The following RECQL variants were observed in gnomAD, a reference collection of about 807,000 sequenced individuals.
The protein encoded by RECQL is ATP-dependent DNA helicase Q1.
In RECQL, 73 loss-of-function variants were observed where a neutral mutation model predicts 75.8. The ratio of observed to expected loss-of-function variants is 0.96; its 90% CI spans 0.80 to 1.17. RECQL has a LOEUF of 1.17. Ranked by LOEUF, RECQL falls within the 50% of genes most tolerant of loss-of-function variation. The pLI is 0.00. For synonymous variants in RECQL, 248 were observed against 254.4 expected, an observed-to-expected ratio of 0.97 and a Z score of 0.24; for missense variants, 699 against 772.1, an observed-to-expected ratio of 0.91 and a Z score of 1.12.
intron 14 of RECQL, chr12:21,470,665 T>C (rs1942926836): frequency 3.2e-6 from 1 of 307,876 alleles, no homozygotes; most frequent in African/African-American, 2.2e-5. Context: ...AGAAACAGAC[T>C]TCTCAACTAT....
Position 21,486,762 on chromosome 12 carries a change from C to T in RECQL, c.395-177G>A, listed in dbSNP as rs531661159. The stretch of plus-strand genomic sequence containing the variant: ...GTTGGCTCATTGCAACCTCTGCCTC[C>T]CGGGTTCAAGCAATTCTCCTGCCTC... On this transcript the variant is annotated intron_variant, in intron 4 of 14. Coordinates refer to ENST00000444129, the MANE Select transcript of RECQL (RefSeq NM_002907.4). 2.1e-3 allele frequency among the ~76,000 whole-genome samples: 320 copies of T among 148,962 alleles called. 2 individuals carry two copies. Among genetic ancestry groups the T allele is most frequent in the African/African-American group, 7.6e-3 (307 of 40,404 alleles).
At chr12:21,500,259 G>C (rs1200256629) in intron 1 of RECQL, among the ~76,000 whole-genome samples, 1 of 152,162 alleles carries the variant, frequency 6.6e-6, no homozygotes, top group Non-Finnish European at 1.5e-5. Context: ...GGTGGGGGGA[G>C]GGGAAAATGG....
rs1943067051 is a variant in RECQL at position 21,475,495 on chromosome 12, T to C, written c.1189A>G (p.Asn397Asp). Reference sequence around the variant, plus strand: ...GCACGTCCACTCTCTTGGTAATAATTTTCCATGGATTTACTCATTGAATGA... The same window carrying C: ...GCACGTCCACTCTCTTGGTAATAATCTTCCATGGATTTACTCATTGAATGA... ...IHHSMSKSME[N>D]YYQESGRAGR... The change falls in exon 10 of 15, where the codon AAT becomes GAT. Residue 397 changes from asparagine to aspartate, a missense_variant. Around this residue, in one of 2 missense-constraint regions of RECQL, gnomAD observed 669 missense variants for 713.5 expected, o/e 0.94. Coordinates refer to ENST00000444129, the MANE Select transcript of RECQL (RefSeq NM_002907.4). 1 of 1,611,782 alleles carries C rather than the reference T, an allele frequency of 6.2e-7. No individual in the cohort carries two copies. Among genetic ancestry groups the C allele is most frequent in the Non-Finnish European group, 8.5e-7 (1 of 1,178,586 alleles).
In RECQL at chr12:21,483,461, C is replaced by A. The variant is rs1943230678; in HGVS notation, c.615G>T (p.Glu205Asp). ...TAAATCTCCTTGCTTCATAGGCTTT[C>A]TCTAGTCTTGACATAAACATTTTGC... Reference protein sequence around the residue: ...AKSKMFMSRLEKAYEARRFTR... With the variant: ...AKSKMFMSRLDKAYEARRFTR... Residue 205 changes from glutamate (E) to aspartate (D), a missense_variant, in exon 6 of 15, where the codon GAG becomes GAT. By Grantham distance (45) the Glu-to-Asp change is conservative. Coordinates refer to ENST00000444129, the MANE Select transcript of RECQL (RefSeq NM_002907.4). The A allele has an allele frequency of 6.2e-7, 1 of 1,604,732 alleles. No individual in the cohort carries two copies.
At chr12:21,493,564 C>T (rs762368529) in intron 2 of RECQL, among the ~76,000 whole-genome samples, 10 of 152,206 alleles carry the variant, frequency 6.6e-5, no homozygotes, top group African/African-American at 9.7e-5. Context: ...TCAATACAAA[C>T]TGAATTCCCA....
At chr12:21,485,270 T>A (rs1591983149) in intron 5 of RECQL, among the ~76,000 whole-genome samples, 2 of 118,356 alleles carry the variant, frequency 1.7e-5, no homozygotes, top group East Asian at 2.3e-4. Flanking sequence ...TAGATCTAAC[T>A]AAAAGGATCC....
intron 2 of RECQL, among the ~76,000 whole-genome samples, chr12:21,495,012 T>G (rs7970380): frequency 0.029 from 4,462 of 152,328 alleles, 207 homozygotes; most frequent in African/African-American, 0.099. Flanking sequence ...CGACAAGATC[T>G]TGGATTGACT....
intron 8 of RECQL, among the ~76,000 whole-genome samples, chr12:21,476,267 T>C (rs1254996003): frequency 1.3e-5 from 2 of 152,068 alleles, no homozygotes; most frequent in African/African-American, 4.8e-5. Context: ...TCAGAGCTTC[T>C]AGTTTGCTGA....
chr12:21,499,659 G>C (rs1943569689), intron 1 of RECQL, 44 bp from the exon 2 acceptor site: 5 of 1,032,184 alleles, frequency 4.8e-6, no homozygotes, highest in Non-Finnish European at 7.4e-6. Flanking sequence ...TTTAAAAATA[G>C]TACTATTAAT....
intron 1 of RECQL, 23 bp from the exon 2 acceptor site, chr12:21,499,638 G>T: frequency 1.5e-6 from 2 of 1,307,438 alleles, no homozygotes; most frequent in South Asian, 1.3e-5. Context: ...GCACAACAGT[G>T]ACAACAAGTT....
intron 12 of RECQL, 145 bp from the exon 13 acceptor site, chr12:21,471,792 A>C: frequency 1.5e-6 from 1 of 653,070 alleles, no homozygotes; most frequent in South Asian, 1.9e-5. Context: ...TTCTGAATTA[A>C]GACTAGGCTA....
chr12:21,475,340 T>C, intron 10 of RECQL, 128 bp downstream of exon 10: 1 of 633,124 alleles, frequency 1.6e-6, no homozygotes, highest in Non-Finnish European at 2.7e-6. Flanking sequence ...AGTGTCAAAC[T>C]GCTAAAAATA....
At chr12:21,492,165 C>T (rs1326786671) in intron 2 of RECQL, among the ~76,000 whole-genome samples, 1 of 152,142 alleles carries the variant, frequency 6.6e-6, no homozygotes. Context: ...TCCCTAATTA[C>T]TTTGCTATTA....
chr12:21,499,422 G>C, intron 2 of RECQL, 133 bp downstream of exon 2: 1 of 766,828 alleles, frequency 1.3e-6, no homozygotes. Flanking sequence ...AGTTTGTAAT[G>C]TGTATTTTAC....
intron 5 of RECQL, among the ~76,000 whole-genome samples, chr12:21,485,912 TA>T (rs147492599): frequency 0.019 from 2,824 of 152,282 alleles, 103 homozygotes; most frequent in African/African-American, 0.065. Context: ...CAGATGAGGG[TA>T]AGACAGTCCA....
chr12:21,478,652 C>A (rs1308816275), intron 6 of RECQL, among the ~76,000 whole-genome samples: 2 of 152,168 alleles, frequency 1.3e-5, no homozygotes, highest in Admixed American at 6.5e-5. Flanking sequence ...TTCACTGGGG[C>A]TAAGTCACAG....
Position 21,474,839 on chromosome 12 carries a change from A to C in RECQL, c.1355+2T>G. The C allele has an allele frequency of 6.2e-7, 1 of 1,611,864 alleles. No individual in the cohort carries two copies. The highest frequency in any genetic ancestry group is 8.5e-7 in the Non-Finnish European group (1 of 1,178,398). ...AAAGTTATAAAAAGGTATGTGGCTT[A>C]CTTGCTTATGTTTTGACAGTATGAT... is the stretch of plus-strand genomic sequence containing the variant. On this transcript the variant is annotated splice_donor_variant, in intron 11 of 14. Transcript: ENST00000444129. LOFTEE classifies it high-confidence loss of function.
chr12:21,494,475 G>T (rs1943468590), intron 2 of RECQL, among the ~76,000 whole-genome samples: 1 of 152,198 alleles, frequency 6.6e-6, no homozygotes, highest in Non-Finnish European at 1.5e-5. Context: ...TAATGTCCTA[G>T]ATAGTGGCCA....
chr12:21,494,119 G>A (rs541721986), intron 2 of RECQL, among the ~76,000 whole-genome samples: 5 of 152,286 alleles, frequency 3.3e-5, no homozygotes, highest in Admixed American at 2.6e-4. Context: ...GTGTCACACA[G>A]TGGGAGATAG....
Sources: allele counts gnomAD v4.1 joint callset (sites outside exome capture counted in the v4.1 genomes callset), GRCh38; gene constraint gnomAD v4.1.1; regional missense constraint gnomAD v4.1.1; transcripts MANE v1.5; gene names NCBI Gene and HGNC (gene_info 2026-07-23, HGNC 2026-07-21).